Variants in PCDH7 observed in about 807,000 individuals in gnomAD.
The protein encoded by PCDH7 is protocadherin-7.
PCDH7 carries 17 observed loss-of-function variants against 58.9 expected under a neutral mutation model. That is an observed-to-expected ratio of 0.29 (90% CI 0.20 to 0.43). PCDH7 has a LOEUF of 0.43. Ranked by LOEUF, PCDH7 falls within the 20% of genes least tolerant of loss-of-function variation. The pLI, the probability that PCDH7 is intolerant of heterozygous loss-of-function variation, is 1.00. For synonymous variants in PCDH7, 664 were observed against 616.4 expected, an observed-to-expected ratio of 1.08 and a Z score of -1.14; for missense variants, 1,274 against 1,441.0, an observed-to-expected ratio of 0.88 and a Z score of 1.88.
intron 1 of PCDH7, among the ~76,000 whole-genome samples, chr4:30,808,707 T>C (rs537330461): frequency 1.5e-3 from 224 of 152,328 alleles, no homozygotes; most frequent in African/African-American, 5.3e-3. Flanking sequence ...ATATTTTGTA[T>C]GCTCTAGAGT....
intron 3 of PCDH7, among the ~76,000 whole-genome samples, chr4:30,990,901 C>A (rs1462060858): frequency 6.6e-6 from 1 of 152,046 alleles, no homozygotes; most frequent in Admixed American, 6.6e-5. Context: ...AATCCATCCT[C>A]TTTTTTATAG....
At chr4:30,989,163 A>G (rs1011858005) in intron 3 of PCDH7, among the ~76,000 whole-genome samples, 5 of 152,030 alleles carry the variant, frequency 3.3e-5, no homozygotes, top group African/African-American at 1.2e-4. Flanking sequence ...TTTTCCAGAA[A>G]CTTGTTTCTT....
At chr4:30,904,230 T>C (rs1560486622) in intron 1 of PCDH7, among the ~76,000 whole-genome samples, 1 of 152,224 alleles carries the variant, frequency 6.6e-6, no homozygotes, top group Non-Finnish European at 1.5e-5. Context: ...TGTTACCTTA[T>C]ATTTCTTGAT....
chr4:31,140,508 G>GAA (rs59590919), intron 3 of PCDH7, among the ~76,000 whole-genome samples: 7 of 123,172 alleles, frequency 5.7e-5, no homozygotes, highest in African/African-American at 2.1e-4. Context: ...TTGAAGCAGT[G>GAA]AAAAAAAAAA....
At chr4:31,111,769 A>G (rs1716348344) in intron 3 of PCDH7, among the ~76,000 whole-genome samples, 1 of 152,218 alleles carries the variant, frequency 6.6e-6, no homozygotes, top group Non-Finnish European at 1.5e-5. Context: ...AAACCTCTGC[A>G]GTGCCAAATC....
intron 2 of PCDH7, chr4:30,925,650 T>C (rs1743771073): frequency 6.6e-6 from 1 of 152,228 alleles, no homozygotes; most frequent in Non-Finnish European, 1.5e-5. Flanking sequence ...ACCTTTCCTG[T>C]CAATTGTGAC....
chr4:30,899,469 G>A, intron 1 of PCDH7, among the ~76,000 whole-genome samples: 1 of 152,118 alleles, frequency 6.6e-6, no homozygotes, highest in East Asian at 1.9e-4. Flanking sequence ...GCTCCCTCCT[G>A]TAAGGCTAAT....
intron 3 of PCDH7, among the ~76,000 whole-genome samples, chr4:31,106,352 G>T (rs1346407297): frequency 6.6e-6 from 1 of 152,170 alleles, no homozygotes; most frequent in Non-Finnish European, 1.5e-5. Flanking sequence ...AAAATTTTTA[G>T]ATGTGCTGCT....
chr4:30,854,657 AG>A (rs780132308), intron 1 of PCDH7, among the ~76,000 whole-genome samples: 6 of 151,974 alleles, frequency 3.9e-5, no homozygotes, highest in Admixed American at 6.6e-5. Flanking sequence ...ATATGAAAAA[AG>A]GGTTTAAAAT....
chr4:30,736,955 A>C (rs1464254954), downstream of PCDH7, among the ~76,000 whole-genome samples: 1 of 152,130 alleles, frequency 6.6e-6, no homozygotes, highest in Non-Finnish European at 1.5e-5. Flanking sequence ...CTCCATTCTG[A>C]TTGCAAAATG....
chr4:30,753,456 T>G (rs1289639972), intron 1 of PCDH7, among the ~76,000 whole-genome samples: 1 of 152,240 alleles, frequency 6.6e-6, no homozygotes, highest in African/African-American at 2.4e-5. Context: ...GCTTAGTTGA[T>G]GTATGAAGGT....
intron 1 of PCDH7, among the ~76,000 whole-genome samples, chr4:30,866,070 T>C (rs1044645037): frequency 2.0e-5 from 3 of 152,104 alleles, no homozygotes; most frequent in Non-Finnish European, 4.4e-5. Context: ...ACTCCACTCC[T>C]GTCTTTTTAA....
chr4:31,069,857 TC>T (rs200598825), intron 3 of PCDH7, among the ~76,000 whole-genome samples: 35,651 of 151,312 alleles, frequency 0.24, 4,462 homozygotes, highest in South Asian at 0.33. Flanking sequence ...TATAAATTAA[TC>T]TCAAATTTTC....
chr4:30,882,498 T>C (rs1344031948), intron 1 of PCDH7, among the ~76,000 whole-genome samples: 3 of 152,116 alleles, frequency 2.0e-5, no homozygotes, highest in African/African-American at 7.2e-5. Flanking sequence ...GTTTCAAGCC[T>C]GTCTTATCCT....
intron 3 of PCDH7, among the ~76,000 whole-genome samples, chr4:31,095,557 A>T: frequency 6.6e-6 from 1 of 152,100 alleles, no homozygotes; most frequent in East Asian, 1.9e-4. Flanking sequence ...TAAAAAATTC[A>T]TTTTTATTCA....
At chr4:30,981,541 A>C (rs986162385) in intron 3 of PCDH7, among the ~76,000 whole-genome samples, 1 of 152,216 alleles carries the variant, frequency 6.6e-6, no homozygotes, top group Non-Finnish European at 1.5e-5. Flanking sequence ...CCAAGGTTGA[A>C]GCAAATATTT....
intron 1 of PCDH7, among the ~76,000 whole-genome samples, chr4:30,894,516 TACACAC>T (rs55942705): frequency 0.024 from 764 of 31,982 alleles, 32 homozygotes; most frequent in African/African-American, 0.065. Flanking sequence ...TATATATATA[TACACAC>T]ACACACACAC....
intron 1 of PCDH7, among the ~76,000 whole-genome samples, chr4:30,908,156 A>G (rs1741225945): frequency 6.6e-6 from 1 of 151,556 alleles, no homozygotes; most frequent in African/African-American, 2.4e-5. Context: ...TTACGAGTTG[A>G]TGGGTGCAGC....
intron 3 of PCDH7, among the ~76,000 whole-genome samples, chr4:31,038,758 T>C (rs978127794): frequency 3.3e-5 from 5 of 152,192 alleles, no homozygotes; most frequent in Non-Finnish European, 7.4e-5. Flanking sequence ...ATAATTTACT[T>C]ATCAATTCTT....
Sources: allele counts gnomAD v4.1 joint callset (sites outside exome capture counted in the v4.1 genomes callset), GRCh38; gene constraint gnomAD v4.1.1; transcripts MANE v1.5; gene names NCBI Gene and HGNC (gene_info 2026-07-23, HGNC 2026-07-21).